The following ZDHHC11B variants were observed in gnomAD, a reference collection of about 807,000 sequenced individuals.
The protein encoded by ZDHHC11B is zDHHC palmitoyltransferase 11B (putative).
In ZDHHC11B, 17 loss-of-function variants were observed where a neutral mutation model predicts 42.3. The ratio of observed to expected loss-of-function variants is 0.40; its 90% CI spans 0.27 to 0.60. The LOEUF (loss-of-function observed/expected upper bound fraction) is 0.60. Ranked by LOEUF, ZDHHC11B falls within the 20% of genes least tolerant of loss-of-function variation. The pLI, the probability that ZDHHC11B is intolerant of heterozygous loss-of-function variation, is 0.41. For synonymous variants in ZDHHC11B, 123 were observed against 193.5 expected, an observed-to-expected ratio of 0.64 and a Z score of 3.02; for missense variants, 262 against 463.2, an observed-to-expected ratio of 0.57 and a Z score of 3.99.
At chr5:766,262 C>T (rs547431171) in intron 4 of ZDHHC11B, among the ~76,000 whole-genome samples, 9 of 150,952 alleles carry the variant, frequency 6.0e-5, no homozygotes, top group African/African-American at 1.5e-4. Context: ...GGAGCAGACA[C>T]GGGCTTCCCC....
chr5:773,388 G>T (rs1171758773), intron 1 of ZDHHC11B, among the ~76,000 whole-genome samples: 5 of 152,008 alleles, frequency 3.3e-5, no homozygotes, highest in Non-Finnish European at 7.4e-5. Flanking sequence ...TAGCAGAAGA[G>T]ACTCCAGGAA....
chr5:716,570 C>T (rs566773416), intron 13 of ZDHHC11B, among the ~76,000 whole-genome samples: 1 of 151,890 alleles, frequency 6.6e-6, no homozygotes, highest in African/African-American at 2.4e-5. Context: ...ACATTGTTTA[C>T]TGCCTAGAAA....
intron 12 of ZDHHC11B, 118 bp from the exon 13 acceptor site, chr5:716,983 T>C: frequency 1.1e-5 from 16 of 1,444,396 alleles, no homozygotes; most frequent in Non-Finnish European, 1.3e-5. Context: ...GCTTGTGACG[T>C]GGGCAATCAC....
Position 763,268 on chromosome 5 carries a change from C to T in ZDHHC11B, c.222+3430G>A, listed in dbSNP as rs1378748419. On this transcript the variant is annotated intron_variant, in intron 4 of 13. Transcript: ENST00000508859. ...CCTGTAGTCCCAGATACTCAGGAGG[C>T]TGGGACGGGAGGATTGTTTGAACCC... Among the ~76,000 whole-genome samples the T allele has an allele frequency of 3.3e-5, 5 of 151,232 alleles. No homozygotes were observed. The East Asian group carries it at 9.7e-4, about 29-fold the overall frequency.
intron 10 of ZDHHC11B, among the ~76,000 whole-genome samples, chr5:737,636 G>T (rs1743687571): frequency 6.7e-6 from 1 of 149,516 alleles, no homozygotes; most frequent in South Asian, 2.2e-4. Context: ...ACGTATGCAG[G>T]AATGGTTTAA....
chr5:777,334 C>A (rs1461646773), intron 1 of ZDHHC11B, among the ~76,000 whole-genome samples: 1 of 151,800 alleles, frequency 6.6e-6, no homozygotes, highest in Non-Finnish European at 1.5e-5. Flanking sequence ...GTGTTACTTA[C>A]GCCTCTCAGA....
At chr5:766,464 T>C (rs1436025338) in intron 4 of ZDHHC11B, among the ~76,000 whole-genome samples, 1 of 151,818 alleles carries the variant, frequency 6.6e-6, no homozygotes, top group Non-Finnish European at 1.5e-5. Context: ...CACCCGACGA[T>C]GGGCCACGCA....
At chr5:776,951 C>G (rs1435213884) in intron 1 of ZDHHC11B, among the ~76,000 whole-genome samples, 1 of 151,934 alleles carries the variant, frequency 6.6e-6, no homozygotes, top group Non-Finnish European at 1.5e-5. Context: ...GGCCGCCTGT[C>G]AGGCAGGCAG....
chr5:766,144 T>G (rs1735312084), intron 4 of ZDHHC11B, among the ~76,000 whole-genome samples: 1 of 151,812 alleles, frequency 6.6e-6, no homozygotes, highest in Admixed American at 6.6e-5. Context: ...CCCTGGGAGA[T>G]GCGAGCAGAC....
chr5:772,698 G>C (rs1200970370), intron 1 of ZDHHC11B, among the ~76,000 whole-genome samples: 1 of 151,832 alleles, frequency 6.6e-6, no homozygotes, highest in South Asian at 2.1e-4. Flanking sequence ...GTTCTGGAGG[G>C]AAAAGTGGAA....
At chr5:764,252 C>T (rs575197854) in intron 4 of ZDHHC11B, among the ~76,000 whole-genome samples, 6 of 152,082 alleles carry the variant, frequency 3.9e-5, no homozygotes, top group African/African-American at 9.6e-5. Flanking sequence ...CGCTCACTCT[C>T]GGCACCTCCT....
At chr5:766,193 T>C (rs1735324860) in intron 4 of ZDHHC11B, among the ~76,000 whole-genome samples, 1 of 151,640 alleles carries the variant, frequency 6.6e-6, no homozygotes, top group Non-Finnish European at 1.5e-5. Flanking sequence ...GGAGCAGACA[T>C]GAGTCCCCGC....
chr5:765,893 C>T (rs973318832), intron 4 of ZDHHC11B, among the ~76,000 whole-genome samples: 7 of 151,930 alleles, frequency 4.6e-5, no homozygotes, highest in Non-Finnish European at 1.0e-4. Context: ...AAGAACCCAC[C>T]AGTTCCGGAC....
intron 12 of ZDHHC11B, among the ~76,000 whole-genome samples, chr5:722,824 AC>A (rs1443846904): frequency 6.6e-6 from 1 of 151,500 alleles, no homozygotes; most frequent in Non-Finnish European, 1.5e-5. Context: ...CCAACAGACT[AC>A]AGCGACAAGC....
chr5:756,468 G>T (rs1291793466), intron 4 of ZDHHC11B, among the ~76,000 whole-genome samples: 4 of 151,812 alleles, frequency 2.6e-5, no homozygotes, highest in Admixed American at 6.6e-5. Context: ...ACAGCCCTGT[G>T]CCAGTCGGGG....
At chr5:725,959 A>G (rs1303499034) in intron 12 of ZDHHC11B, among the ~76,000 whole-genome samples, 2 of 151,744 alleles carry the variant, frequency 1.3e-5, no homozygotes, top group African/African-American at 4.8e-5. Flanking sequence ...TGGAAAATTA[A>G]TACAAGCCAC....
Position 718,856 on chromosome 5 carries a change from C to T in ZDHHC11B, c.1059-1991G>A, listed in dbSNP as rs185694690. 1.5e-3 allele frequency among the ~76,000 whole-genome samples: 235 copies of T among 151,720 alleles called. 1 individual carries two copies. Among genetic ancestry groups the T allele is most frequent in the African/African-American group, 5.4e-3 (223 of 41,150 alleles). The stretch of plus-strand genomic sequence containing the variant: ...AGCAGCTGGCTGATGTCAGAGTGAG[C>T]GTCAGGGACCTTGTCCTCAATAAAT... On this transcript the variant is annotated intron_variant, in intron 12 of 13. Coordinates refer to ENST00000508859, the MANE Select transcript of ZDHHC11B (RefSeq NM_001351303.2).
intron 1 of ZDHHC11B, among the ~76,000 whole-genome samples, chr5:776,657 C>T (rs556479304): frequency 0.016 from 2,417 of 151,662 alleles, 39 homozygotes; most frequent in Non-Finnish European, 0.027. Context: ...CAAAAGCCAC[C>T]CTCACAGCGG....
chr5:780,164 C>A (rs1340536480), intron 1 of ZDHHC11B, among the ~76,000 whole-genome samples: 10 of 150,834 alleles, frequency 6.6e-5, no homozygotes, highest in African/African-American at 2.4e-4. Flanking sequence ...GGCTTTAATC[C>A]CTTTGGGAAA....
Sources: gnomAD v4.1 joint callset for allele counts (sites outside exome capture counted in the v4.1 genomes callset) on GRCh38, gnomAD v4.1.1 for gene constraint, MANE v1.5 for transcripts, NCBI Gene and HGNC (gene_info 2026-07-23, HGNC 2026-07-21) for gene names.